The following DPRX variants were observed in gnomAD, a reference collection of about 807,000 sequenced individuals.
The protein encoded by DPRX is divergent-paired related homeobox.
In DPRX, 11 loss-of-function variants were observed where a neutral mutation model predicts 8.4. The ratio of observed to expected loss-of-function variants is 1.31; its 90% confidence interval spans 0.82 to 2.17. DPRX has a LOEUF of 2.17. DPRX is among the 30% of genes most tolerant of loss of function. The pLI is 0.00. For synonymous variants in DPRX, 72 were observed against 87.0 expected (o/e 0.83, Z 0.96); for missense variants, 211 against 236.7 (o/e 0.89, Z 0.71).
At chr19:53,618,122 G>A in the DPRX span, among the ~76,000 whole-genome samples, 6 of 142,792 alleles carry the variant, frequency 4.2e-5, no homozygotes, top group South Asian at 4.3e-4. Context: ...CAGCCTGGGC[G>A]ACAGAGCGAG....
At chr19:53,604,418 GAAAAA>G in the DPRX span, 1 of 152,662 alleles carries the variant, frequency 6.6e-6, no homozygotes, top group African/African-American at 2.4e-5. Flanking sequence ...GACAAGAACA[GAAAAA>G]GCCACCAAGG....
chr19:53,630,058 A>G (rs2091086422), upstream of DPRX: 1 of 151,242 alleles, frequency 6.6e-6, no homozygotes, highest in African/African-American at 2.4e-5. Flanking sequence ...AATACAAAAA[A>G]AAAAATTAGC....
At chr19:53,623,243 G>C in the DPRX span, among the ~76,000 whole-genome samples, 2 of 151,816 alleles carry the variant, frequency 1.3e-5, no homozygotes, top group Non-Finnish European at 2.9e-5. Context: ...GGAGGTGGAG[G>C]TTGCAGTGAG....
At chr19:53,610,618 C>T in the DPRX span, among the ~76,000 whole-genome samples, 2 of 152,104 alleles carry the variant, frequency 1.3e-5, no homozygotes, top group African/African-American at 4.8e-5. Context: ...GGTGCAAGGG[C>T]TGATGTGGAG....
upstream of DPRX, among the ~76,000 whole-genome samples, chr19:53,629,051 C>T (rs987271268): frequency 2.0e-5 from 3 of 151,858 alleles, no homozygotes; most frequent in African/African-American, 7.2e-5. Context: ...CAGTGGCTCA[C>T]ACCAGTAATC....
the DPRX span, among the ~76,000 whole-genome samples, chr19:53,617,523 A>C: frequency 1.4e-5 from 2 of 145,656 alleles, no homozygotes; most frequent in East Asian, 4.1e-4. Context: ...GCACCATTGC[A>C]CTCCAGCCTG....
At chr19:53,601,483 C>CTT in the DPRX span, 5,148 of 307,092 alleles carry the variant, frequency 0.017, 4 homozygotes, top group Middle Eastern at 0.034. Flanking sequence ...AATGCCTATT[C>CTT]TTTTTTTTTT....
At chr19:53,619,960 T>A in the DPRX span, among the ~76,000 whole-genome samples, 1 of 151,778 alleles carries the variant, frequency 6.6e-6, no homozygotes, top group African/African-American at 2.4e-5. Flanking sequence ...CCTCTTATCA[T>A]CCCCTGCCTC....
the DPRX span, among the ~76,000 whole-genome samples, chr19:53,624,328 A>T: frequency 2.0e-5 from 2 of 99,914 alleles, no homozygotes; most frequent in Non-Finnish European, 4.3e-5. Flanking sequence ...ACCTCAGGTG[A>T]TCTGCCCTCC....
chr19:53,636,409 A>AT (rs2091112373), intron 2 of DPRX, among the ~76,000 whole-genome samples, 187 bp from the exon 3 acceptor site: 1 of 147,232 alleles, frequency 6.8e-6, no homozygotes, highest in African/African-American at 2.5e-5. Flanking sequence ...ATAAATAAAT[A>AT]TTAGGAGAGT....
chr19:53,603,153 G>A, the DPRX span, among the ~76,000 whole-genome samples: 1 of 151,166 alleles, frequency 6.6e-6, no homozygotes, highest in Non-Finnish European at 1.5e-5. Flanking sequence ...CCAGGCTCAA[G>A]CAGTTGTCCC....
chr19:53,636,543 G>A, intron 2 of DPRX, 53 bp from the exon 3 acceptor site: 1 of 1,340,010 alleles, frequency 7.5e-7, no homozygotes, highest in Non-Finnish European at 9.6e-7. Context: ...TTTAAAAATA[G>A]AATGACAAGT....
At chr19:53,620,202 T>C in the DPRX span, among the ~76,000 whole-genome samples, 6 of 152,168 alleles carry the variant, frequency 3.9e-5, no homozygotes, top group African/African-American at 1.4e-4. Context: ...CCCCAGTAGC[T>C]GGGACTACAG....
At chr19:53,602,936 T>C in the DPRX span, among the ~76,000 whole-genome samples, 1 of 151,422 alleles carries the variant, frequency 6.6e-6, no homozygotes, top group Non-Finnish European at 1.5e-5. Context: ...CTCAGCCTTC[T>C]AAAGTGAGCC....
chr19:53,625,161 C>T, the DPRX span, among the ~76,000 whole-genome samples: 1 of 150,920 alleles, frequency 6.6e-6, no homozygotes, highest in Non-Finnish European at 1.5e-5. Context: ...AAGCGATCCT[C>T]CTGCCTTAGC....
At chr19:53,611,165 G>A in the DPRX span, among the ~76,000 whole-genome samples, 1 of 152,144 alleles carries the variant, frequency 6.6e-6, no homozygotes, top group African/African-American at 2.4e-5. Context: ...GCCTCTGAAA[G>A]CACTGGGATT....
intron 2 of DPRX, among the ~76,000 whole-genome samples, chr19:53,636,149 TGA>T (rs2091111099): frequency 1.3e-5 from 2 of 151,946 alleles, no homozygotes; most frequent in African/African-American, 4.8e-5. Flanking sequence ...GGGCGGATCA[TGA>T]GGTCAGGAGT....
chr19:53,601,450 A>T, the DPRX span: 609 of 432,214 alleles, frequency 1.4e-3, 9 homozygotes, highest in African/African-American at 0.012. Flanking sequence ...GGAAGGCCTC[A>T]GCTCTGTTGC....
the DPRX span, among the ~76,000 whole-genome samples, chr19:53,611,421 T>C: frequency 6.6e-6 from 1 of 152,048 alleles, no homozygotes; most frequent in Admixed American, 6.6e-5. Flanking sequence ...TTGGTACAGA[T>C]GGGGTTTTGC....
Sources: gnomAD v4.1 joint callset for allele counts (sites outside exome capture counted in the v4.1 genomes callset) on GRCh38, gnomAD v4.1.1 for gene constraint, MANE v1.5 for transcripts, NCBI Gene and HGNC (gene_info 2026-07-23, HGNC 2026-07-21) for gene names.